Variants in UBE4B observed in about 807,000 individuals in gnomAD.
UBE4B encodes the protein ubiquitin conjugation factor E4 B.
In UBE4B, 27 loss-of-function variants were observed where a neutral mutation model predicts 148.1. The observed-to-expected ratio is 0.18, with a 90% CI of 0.13 to 0.25. The LOEUF is 0.25. Among genes scored for constraint, UBE4B ranks in the 10% least tolerant of loss-of-function variants. UBE4B has a pLI of 1.00. For missense variants in UBE4B, 1,170 were observed against 1,662.4 expected (o/e 0.70, Z 5.15); for synonymous variants, 596 against 619.3 (o/e 0.96, Z 0.56).
chr1:10,175,591 C>T (rs1476555207), intron 25 of UBE4B, among the ~76,000 whole-genome samples: 1 of 152,030 alleles, frequency 6.6e-6, no homozygotes, highest in Admixed American at 6.6e-5. Context: ...GTGGAGCTTG[C>T]AGTGAGCCGA....
chr1:10,179,758 C>T (rs1450854613), intron 27 of UBE4B, 137 bp from the exon 28 acceptor site: 2 of 1,351,436 alleles, frequency 1.5e-6, no homozygotes, highest in Admixed American at 4.2e-5. Context: ...CCTCTCATGT[C>T]CCAGTCCTTC....
intron 20 of UBE4B, among the ~76,000 whole-genome samples, chr1:10,151,106 T>A (rs1246919091): frequency 2.0e-5 from 3 of 150,298 alleles, no homozygotes; most frequent in South Asian, 2.1e-4. Context: ...GAGCTTGCAG[T>A]GAGCCGAGAT....
At chr1:10,176,042 A>G (rs1411841669) in intron 25 of UBE4B, among the ~76,000 whole-genome samples, 2 of 152,016 alleles carry the variant, frequency 1.3e-5, no homozygotes, top group African/African-American at 4.8e-5. Flanking sequence ...CTCTTTTCCT[A>G]TTTTTGGATT....
intron 6 of UBE4B, 79 bp downstream of exon 6, chr1:10,105,823 C>T: frequency 7.4e-7 from 1 of 1,349,818 alleles, no homozygotes. Flanking sequence ...TGTTTGTTGA[C>T]AGTGTTAATC....
In UBE4B at chr1:10,106,646, T is replaced by G. The variant is rs2101895925; in HGVS notation, c.1196+63T>G. On this transcript the variant is annotated intron_variant, in intron 7 of 27. Transcript: ENST00000343090. The surrounding 1 kb of genome is among the most constrained non-coding windows in gnomAD (Gnocchi z 4.2). ...GTGCAGGGAAAGGAGATTAACACGG[T>G]TTGGAAGAAGTGCTGTGTGACACTG... 1 of 1,478,960 alleles carries G rather than the reference T, an allele frequency of 6.8e-7. No homozygotes were observed. Among genetic ancestry groups the G allele is most frequent in the South Asian group, 1.4e-5 (1 of 70,586 alleles). The allele number at this position is 1,478,960 out of a possible 1,614,324, so 91.6% of individuals were successfully genotyped here. A position where few individuals can be genotyped will look rare whatever the true frequency, so the allele number is the denominator to read the frequency against.
At chr1:10,102,540 A>T (rs1021369980) in intron 4 of UBE4B, among the ~76,000 whole-genome samples, 1 of 150,562 alleles carries the variant, frequency 6.6e-6, no homozygotes, top group African/African-American at 2.4e-5. Context: ...CCTCCCAAGT[A>T]GCTCCGAGTA....
At chr1:10,075,212 G>A (rs1380119838) in intron 2 of UBE4B, among the ~76,000 whole-genome samples, 3 of 151,880 alleles carry the variant, frequency 2.0e-5, no homozygotes, top group African/African-American at 7.2e-5. Flanking sequence ...GTGTAACTGT[G>A]TTCCAGTAAA....
In UBE4B at chr1:10,106,712, C is replaced by G; in HGVS notation, c.1196+129C>G. The G allele has an allele frequency of 7.9e-7, 1 of 1,270,242 alleles. No individual in the cohort carries two copies. The highest frequency in any genetic ancestry group is 3.4e-5 in the Admixed American group (1 of 29,770). 78.7% of individuals were successfully genotyped at this position (1,270,242 alleles called of 1,614,324 possible). On this transcript the variant is annotated intron_variant, in intron 7 of 27. Transcript: ENST00000343090. The surrounding 1 kb of genome is among the most constrained non-coding windows in gnomAD (Gnocchi z 4.2). ...TGTTTTGGGTTATTAACCTGTGTGG[C>G]TAACTAGTTTGGTAGGCACGTACTC...
intron 3 of UBE4B, among the ~76,000 whole-genome samples, chr1:10,097,052 A>AAAAAAT (rs554089049): frequency 1.6e-4 from 22 of 138,514 alleles, no homozygotes; most frequent in Non-Finnish European, 2.8e-4. Context: ...AAAAAAAAAA[A>AAAAAAT]AATAATAATA....
chr1:10,048,539 A>T (rs1294565630), intron 1 of UBE4B, among the ~76,000 whole-genome samples: 3 of 152,164 alleles, frequency 2.0e-5, no homozygotes, highest in African/African-American at 7.2e-5. Flanking sequence ...GGACTCAGAA[A>T]AGGAGACTGA....
intron 21 of UBE4B, among the ~76,000 whole-genome samples, chr1:10,152,993 G>T (rs771047553): frequency 6.6e-6 from 1 of 151,884 alleles, no homozygotes; most frequent in African/African-American, 2.4e-5. Context: ...TGTCTCTCTC[G>T]GGGGTTGTGC....
At chr1:10,134,897 T>G in intron 15 of UBE4B, 91 bp from the exon 16 acceptor site, 1 of 1,120,052 alleles carries the variant, frequency 8.9e-7, no homozygotes, top group Non-Finnish European at 1.3e-6. Context: ...ATCACACCCC[T>G]TCGCTCCAGC....
intron 7 of UBE4B, among the ~76,000 whole-genome samples, chr1:10,108,885 G>A (rs1330868539): frequency 6.6e-6 from 1 of 152,156 alleles, no homozygotes; most frequent in African/African-American, 2.4e-5. Context: ...CATGGTAAAA[G>A]TGCTGTGTTA....
At chr1:10,159,641 T>C (rs1646129039) in intron 22 of UBE4B, among the ~76,000 whole-genome samples, 1 of 152,130 alleles carries the variant, frequency 6.6e-6, no homozygotes, top group Non-Finnish European at 1.5e-5. Flanking sequence ...GCCGAGATGG[T>C]GCCACTGCAC....
At chr1:10,037,421 T>A (rs1191305160) in intron 1 of UBE4B, among the ~76,000 whole-genome samples, 1 of 152,210 alleles carries the variant, frequency 6.6e-6, no homozygotes, top group Non-Finnish European at 1.5e-5. Flanking sequence ...GTTCACTGCC[T>A]ATAGGTTCAT....
At chr1:10,090,937 T>A (rs1038979034) in intron 2 of UBE4B, among the ~76,000 whole-genome samples, 1 of 152,084 alleles carries the variant, frequency 6.6e-6, no homozygotes, top group Admixed American at 6.6e-5. Context: ...TAGGAGAAAG[T>A]CTTACAGACA....
intron 1 of UBE4B, among the ~76,000 whole-genome samples, chr1:10,056,631 T>G (rs1258769210): frequency 6.6e-6 from 1 of 152,238 alleles, no homozygotes; most frequent in Non-Finnish European, 1.5e-5. Flanking sequence ...AAGAAATATT[T>G]TGTCACTTTC....
At chr1:10,128,029 A>G (rs1461938805) in intron 11 of UBE4B, among the ~76,000 whole-genome samples, 1 of 152,236 alleles carries the variant, frequency 6.6e-6, no homozygotes, top group Non-Finnish European at 1.5e-5. Context: ...TGTACATGTT[A>G]TTGGGGCTCC....
At chr1:10,060,001 A>AT in intron 1 of UBE4B, among the ~76,000 whole-genome samples, 2 of 152,232 alleles carry the variant, frequency 1.3e-5, no homozygotes, top group Non-Finnish European at 2.9e-5. Context: ...ATGCTAAGGC[A>AT]TGACCAATGA....
Sources: gnomAD v4.1 joint callset for allele counts (sites outside exome capture counted in the v4.1 genomes callset) on GRCh38, gnomAD v4.1.1 for gene constraint, Gnocchi (gnomAD v3.1) non-coding constraint, MANE v1.5 for transcripts, NCBI Gene and HGNC (gene_info 2026-07-23, HGNC 2026-07-21) for gene names.